Variants in CHRM3 observed in about 807,000 individuals in gnomAD.
CHRM3 encodes the protein cholinergic receptor muscarinic 3.
CHRM3 carries 11 observed loss-of-function variants against 41.8 expected under a neutral mutation model. That is an observed-to-expected ratio of 0.26 (90% CI 0.17 to 0.44). The LOEUF (loss-of-function observed/expected upper bound fraction) is 0.44. Ranked by LOEUF, CHRM3 falls within the 20% of genes least tolerant of loss-of-function variation. The pLI is 1.00. For missense variants in CHRM3, 571 were observed against 745.4 expected (o/e 0.77, Z 2.72); for synonymous variants, 297 against 301.4 (o/e 0.99, Z 0.15).
rs575111828 is a variant in CHRM3, at chr1:239,631,964, T to C, written c.-312-260T>C. Among the ~76,000 whole-genome samples the C allele has an allele frequency of 2.0e-5, 3 of 152,196 alleles. No homozygotes were observed. The South Asian group carries it at 6.2e-4, about 32-fold the overall frequency. ...AACTGGAGCTTAGGCAGGCAGGAGGTGAGGAGCTGTAGAATGAGGAAGTCA... is the reference window on the plus strand; with the variant it reads ...AACTGGAGCTTAGGCAGGCAGGAGGCGAGGAGCTGTAGAATGAGGAAGTCA... On this transcript the variant is annotated intron_variant, in intron 3 of 6. Transcript: ENST00000676153.
intron 6 of CHRM3, among the ~76,000 whole-genome samples, chr1:239,850,056 C>G (rs1674577154): frequency 6.6e-6 from 1 of 152,116 alleles, no homozygotes; most frequent in South Asian, 2.1e-4. Context: ...CACTGATCCT[C>G]TTCACAGTCA....
At chr1:239,510,004 G>A (rs751353285) in intron 2 of CHRM3, among the ~76,000 whole-genome samples, 26 of 152,088 alleles carry the variant, frequency 1.7e-4, no homozygotes, top group Non-Finnish European at 2.8e-4. Context: ...CAGGAGAATC[G>A]CTTGAACCTG....
At chr1:239,771,842 G>GA (rs1667702169) in intron 5 of CHRM3, among the ~76,000 whole-genome samples, 1 of 152,194 alleles carries the variant, frequency 6.6e-6, no homozygotes, top group Non-Finnish European at 1.5e-5. Flanking sequence ...ATGCAGATAT[G>GA]AAAAGCAGTG....
intron 4 of CHRM3, among the ~76,000 whole-genome samples, chr1:239,660,470 A>G (rs951492782): frequency 6.6e-6 from 1 of 152,240 alleles, no homozygotes; most frequent in Non-Finnish European, 1.5e-5. Flanking sequence ...CACAGACCGT[A>G]TAAGTCTAAG....
At chr1:239,529,070 T>G (rs1026440601) in intron 2 of CHRM3, among the ~76,000 whole-genome samples, 3 of 152,198 alleles carry the variant, frequency 2.0e-5, no homozygotes, top group African/African-American at 7.2e-5. Context: ...ACAGATGTTT[T>G]TATTTAGTAC....
Position 239,914,004 on chromosome 1 carries a change from C to G in CHRM3, c.*4780C>G, listed in dbSNP as rs1200775737. On this transcript the variant is annotated 3_prime_UTR_variant, in exon 7 of 7. Transcript: ENST00000676153. ...AAAATCATCTAGAGAATCAAAGGGG[C>G]TCACATCTCAGTTGCATTCTATTTA... 6.0e-6 allele frequency: 1 copy of G among 166,914 alleles called. No homozygotes were observed. The highest frequency in any genetic ancestry group is 2.4e-5 in the African/African-American group (1 of 41,412). 10.3% of individuals were successfully genotyped at this position (166,914 alleles called of 1,614,324 possible).
chr1:239,446,186 T>C (rs527457135), intron 1 of CHRM3, among the ~76,000 whole-genome samples: 31 of 152,278 alleles, frequency 2.0e-4, no homozygotes, highest in East Asian at 3.9e-4. Flanking sequence ...CCGCCCGCCT[T>C]GGCCTCCCAA....
At chr1:239,565,601 T>C (rs1208165017) in intron 3 of CHRM3, among the ~76,000 whole-genome samples, 1 of 152,198 alleles carries the variant, frequency 6.6e-6, no homozygotes, top group Non-Finnish European at 1.5e-5. Flanking sequence ...TTTTTTAAGA[T>C]TTATTGACAT....
At chr1:239,550,693 A>T (rs1659729018) in intron 3 of CHRM3, among the ~76,000 whole-genome samples, 1 of 152,208 alleles carries the variant, frequency 6.6e-6, no homozygotes, top group Non-Finnish European at 1.5e-5. Context: ...TTAGCAAAAG[A>T]TAACAGGAGT....
intron 5 of CHRM3, among the ~76,000 whole-genome samples, chr1:239,803,095 A>G (rs115870385): frequency 9.5e-4 from 144 of 152,342 alleles, no homozygotes; most frequent in African/African-American, 3.4e-3. Context: ...CATTCCTTAC[A>G]TCACAATATA....
chr1:239,816,045 A>G (rs548640610), intron 5 of CHRM3, among the ~76,000 whole-genome samples: 13 of 152,140 alleles, frequency 8.5e-5, no homozygotes, highest in Admixed American at 6.5e-5. Flanking sequence ...TGGGGGGGAA[A>G]AAAGAACAGA....
At chr1:239,817,496 C>G (rs1448769742) in intron 5 of CHRM3, among the ~76,000 whole-genome samples, 1 of 152,044 alleles carries the variant, frequency 6.6e-6, no homozygotes, top group Admixed American at 6.5e-5. Flanking sequence ...TCACCATGGG[C>G]CAGAGCTCTG....
chr1:239,744,482 C>T (rs1257520328), intron 5 of CHRM3, among the ~76,000 whole-genome samples: 1 of 151,962 alleles, frequency 6.6e-6, no homozygotes, highest in Non-Finnish European at 1.5e-5. Flanking sequence ...GAGGGAGCGG[C>T]CGGTGGCTAT....
chr1:239,805,319 C>T (rs1386503177), intron 5 of CHRM3, among the ~76,000 whole-genome samples: 1 of 152,196 alleles, frequency 6.6e-6, no homozygotes, highest in Non-Finnish European at 1.5e-5. Context: ...AACTATAACT[C>T]ATAGGCCTGG....
chr1:239,836,438 G>C (rs918813486), intron 6 of CHRM3, among the ~76,000 whole-genome samples: 2 of 152,024 alleles, frequency 1.3e-5, no homozygotes, highest in African/African-American at 4.8e-5. Flanking sequence ...AAAAATATAA[G>C]AAACTCTGTG....
intron 1 of CHRM3, among the ~76,000 whole-genome samples, chr1:239,420,194 ACT>A (rs367697167): frequency 4.9e-4 from 74 of 151,346 alleles, no homozygotes; most frequent in African/African-American, 1.7e-3. Flanking sequence ...CACCCAAAGC[ACT>A]CTCTTTACTT....
intron 5 of CHRM3, chr1:239,703,595 A>G (rs1401054352): frequency 6.6e-6 from 1 of 152,218 alleles, no homozygotes; most frequent in Non-Finnish European, 1.5e-5. Context: ...TAGGGTAAAA[A>G]TTGTTTAATC....
At position 239,732,885 on chromosome 1, in the gene CHRM3, T is replaced by C. The variant is rs34102303; in HGVS notation, c.-147+54597T>C. The stretch of plus-strand genomic sequence containing the variant: ...CTAATATCTCATTTAGATAAGTATA[T>C]CTAATATCACTTAGATAAGTATACC... On this transcript the variant is annotated intron_variant, in intron 5 of 6. Transcript: ENST00000676153. Among the ~76,000 whole-genome samples, 54 of 144,472 alleles carry C rather than the reference T, an allele frequency of 3.7e-4. 1 individual carries two copies. Among genetic ancestry groups the C allele is most frequent in the African/African-American group, 1.3e-3 (51 of 40,254 alleles). 94.8% of individuals were successfully genotyped at this position (144,472 alleles called of 152,430 possible).
intron 1 of CHRM3, among the ~76,000 whole-genome samples, chr1:239,489,521 G>A (rs1667423195): frequency 6.6e-6 from 1 of 152,124 alleles, no homozygotes; most frequent in African/African-American, 2.4e-5. Flanking sequence ...TTTTCAACAA[G>A]GTTTCAATAC....
Sources: gnomAD v4.1 joint callset for allele counts (sites outside exome capture counted in the v4.1 genomes callset) on GRCh38, gnomAD v4.1.1 for gene constraint, MANE v1.5 for transcripts, NCBI Gene and HGNC (gene_info 2026-07-23, HGNC 2026-07-21) for gene names.